SLC30A8: variants seen among roughly 807,000 people sequenced by gnomAD.
SLC30A8 encodes the protein solute carrier family 30 member 8, also known as proton-coupled zinc antiporter SLC30A8.
A neutral mutation model predicts 36.9 loss-of-function variants in SLC30A8; 27 were observed. The ratio of observed to expected loss-of-function variants is 0.73; its 90% CI spans 0.54 to 1.01. The LOEUF is 1.01. Ranked by LOEUF, SLC30A8 falls within the 50% of genes least tolerant of loss-of-function variation. The probability of loss-of-function intolerance (pLI) is 0.00; values close to 1 mark genes in which losing one functional copy is unlikely to be tolerated. For missense variants in SLC30A8, 439 were observed against 452.0 expected, an observed-to-expected ratio of 0.97 and a Z score of 0.26; for synonymous variants, 164 against 172.4, an observed-to-expected ratio of 0.95 and a Z score of 0.38.
At chr8:117,057,617 A>C (rs1037989206) in intron 2 of SLC30A8, among the ~76,000 whole-genome samples, 3 of 152,180 alleles carry the variant, frequency 2.0e-5, no homozygotes, top group Non-Finnish European at 4.4e-5. Context: ...AATAACATAC[A>C]GTATTTATCT....
intron 1 of SLC30A8, among the ~76,000 whole-genome samples, chr8:117,145,502 A>C (rs2130961492): frequency 6.6e-6 from 1 of 152,272 alleles, no homozygotes; most frequent in Non-Finnish European, 1.5e-5. Flanking sequence ...GTGATAGGCT[A>C]AATGAAATGA....
intron 1 of SLC30A8, among the ~76,000 whole-genome samples, chr8:116,961,109 T>C (rs1436213508): frequency 1.3e-5 from 2 of 152,104 alleles, no homozygotes; most frequent in African/African-American, 4.8e-5. Context: ...GTAGTTGTTA[T>C]CTATATTAAT....
At chr8:116,968,728 T>C (rs1319182620) in intron 1 of SLC30A8, among the ~76,000 whole-genome samples, 4 of 151,932 alleles carry the variant, frequency 2.6e-5, no homozygotes, top group Admixed American at 2.6e-4. Context: ...ACAATGACTA[T>C]TTCTTTTTTT....
intron 1 of SLC30A8, among the ~76,000 whole-genome samples, chr8:116,964,627 C>A (rs193187745): frequency 6.6e-6 from 1 of 152,298 alleles, no homozygotes; most frequent in Non-Finnish European, 1.5e-5. Context: ...CAATCCATGA[C>A]TTGCCTAATG....
chr8:116,959,702 A>C (rs1814350162), intron 1 of SLC30A8, among the ~76,000 whole-genome samples: 1 of 152,172 alleles, frequency 6.6e-6, no homozygotes, highest in South Asian at 2.1e-4. Context: ...CTATGGAGGC[A>C]AGATCCTTCT....
chr8:117,121,232 A>T (rs1820681748), intron 2 of SLC30A8, among the ~76,000 whole-genome samples: 1 of 151,932 alleles, frequency 6.6e-6, no homozygotes, highest in African/African-American at 2.4e-5. Flanking sequence ...CAAGATGTGG[A>T]AGTAGCCTAA....
intron 5 of SLC30A8, among the ~76,000 whole-genome samples, chr8:117,162,931 A>G (rs1043547461): frequency 2.0e-5 from 3 of 152,238 alleles, no homozygotes; most frequent in Non-Finnish European, 4.4e-5. Flanking sequence ...AGTATGTGCA[A>G]TACTTGAGAG....
At chr8:117,092,983 T>A (rs1440925852) in intron 2 of SLC30A8, among the ~76,000 whole-genome samples, 1 of 152,138 alleles carries the variant, frequency 6.6e-6, no homozygotes, top group Non-Finnish European at 1.5e-5. Context: ...CTGTGTCAGC[T>A]AAAGGATCTA....
intron 1 of SLC30A8, among the ~76,000 whole-genome samples, chr8:116,959,568 T>TC (rs1814345177): frequency 1.3e-5 from 2 of 152,110 alleles, no homozygotes; most frequent in African/African-American, 4.8e-5. Context: ...ATAAATATTC[T>TC]TGCAGTTTTT....
At chr8:117,118,201 A>C (rs150148959) in intron 2 of SLC30A8, among the ~76,000 whole-genome samples, 3,540 of 151,072 alleles carry the variant, frequency 0.023, 101 homozygotes, top group African/African-American at 0.064. Context: ...AAACCAAAAA[A>C]CAAAAAACAA....
chr8:117,091,383 AT>A (rs11318896), intron 2 of SLC30A8, among the ~76,000 whole-genome samples: 47,079 of 151,810 alleles, frequency 0.31, 8,153 homozygotes, highest in African/African-American at 0.47. Context: ...TACAGAATCC[AT>A]TTTTTTTCTC....
At chr8:116,972,933 T>A (rs1423642144) in intron 1 of SLC30A8, among the ~76,000 whole-genome samples, 1 of 152,224 alleles carries the variant, frequency 6.6e-6, no homozygotes, top group Non-Finnish European at 1.5e-5. Context: ...TCTGAATGTT[T>A]TAGTCTCTCC....
intron 2 of SLC30A8, among the ~76,000 whole-genome samples, chr8:117,116,148 AAGGT>A (rs1351541191): frequency 6.6e-6 from 1 of 152,020 alleles, no homozygotes; most frequent in African/African-American, 2.4e-5. Flanking sequence ...GTGTTTGGGC[AAGGT>A]AGGATGACCC....
Position 117,147,063 on chromosome 8 carries a change from G to A in SLC30A8, c.181G>A (p.Glu61Lys), listed in dbSNP as rs1376637053. 1.2e-6 allele frequency: 2 copies of A among 1,614,066 alleles called. No individual in the cohort carries two copies. Among genetic ancestry groups the A allele is most frequent in the Admixed American group, 3.3e-5 (2 of 60,008 alleles). ...YHCHSGSKPT[E>K]KGANEYAYAK... ...CTGCCACAGTGGCTCCAAGCCCACA[G>A]AAAAGGGGGCGAATGAGTACGCCTA... is the stretch of plus-strand genomic sequence containing the variant. Residue 61 changes from glutamate (E) to lysine (K), a missense_variant, in exon 2 of 8, where the codon GAA becomes AAA. Physicochemically the swap from Glu to Lys is moderately conservative, Grantham distance 56 (BLOSUM62 1). Transcript: ENST00000456015.
At chr8:117,122,292 T>G (rs1191203899) in intron 2 of SLC30A8, among the ~76,000 whole-genome samples, 1 of 151,988 alleles carries the variant, frequency 6.6e-6, no homozygotes, top group African/African-American at 2.4e-5. Flanking sequence ...AGGTGACATG[T>G]CTTGAGAGCT....
intron 1 of SLC30A8, among the ~76,000 whole-genome samples, chr8:116,996,380 CAG>C (rs1172819508): frequency 2.0e-5 from 3 of 152,098 alleles, no homozygotes; most frequent in South Asian, 2.1e-4. Context: ...TTTAAATAAA[CAG>C]ATTAAAATTT....
At chr8:117,060,108 G>A (rs962501112) in intron 2 of SLC30A8, among the ~76,000 whole-genome samples, 8 of 152,132 alleles carry the variant, frequency 5.3e-5, no homozygotes, top group Non-Finnish European at 1.0e-4. Flanking sequence ...TGAGTTTGGA[G>A]TGAAAGTGTC....
At chr8:116,973,126 A>G (rs1316414261) in intron 1 of SLC30A8, among the ~76,000 whole-genome samples, 2 of 152,218 alleles carry the variant, frequency 1.3e-5, no homozygotes, top group African/African-American at 2.4e-5. Context: ...GATGCCTTCT[A>G]TGAGCCAGGA....
intron 1 of SLC30A8, among the ~76,000 whole-genome samples, chr8:116,965,872 T>A (rs1162854054): frequency 6.6e-6 from 1 of 151,062 alleles, no homozygotes; most frequent in Non-Finnish European, 1.5e-5. Context: ...ACAATATTTT[T>A]AATTTTTTTT....
Sources: gnomAD v4.1 joint callset for allele counts (sites outside exome capture counted in the v4.1 genomes callset) on GRCh38, gnomAD v4.1.1 for gene constraint, MANE v1.5 for transcripts, NCBI Gene and HGNC (gene_info 2026-07-23, HGNC 2026-07-21) for gene names.